Variants in EEF1E1 observed in about 807,000 individuals in gnomAD.
EEF1E1 encodes eukaryotic translation elongation factor 1 epsilon-1.
EEF1E1 carries 19 observed loss-of-function variants against 19.9 expected under a neutral mutation model. That is an observed-to-expected ratio of 0.95 (90% CI 0.66 to 1.40). EEF1E1 has a LOEUF of 1.40. EEF1E1 is among the 40% of genes most tolerant of loss of function. The probability of loss-of-function intolerance (pLI) is 0.00; values close to 1 mark genes in which losing one functional copy is unlikely to be tolerated. For synonymous variants in EEF1E1, 81 were observed against 80.0 expected, an observed-to-expected ratio of 1.01 and a Z score of -0.07; for missense variants, 198 against 202.2, an observed-to-expected ratio of 0.98 and a Z score of 0.13.
intron 2 of EEF1E1, among the ~76,000 whole-genome samples, chr6:8,092,676 T>C (rs1758044829): frequency 6.6e-6 from 1 of 152,134 alleles, no homozygotes; most frequent in Non-Finnish European, 1.5e-5. Context: ...ATGATTTCTC[T>C]CCAAATATCT....
At chr6:8,074,820 G>A (rs1038603840), downstream of EEF1E1, among the ~76,000 whole-genome samples, 2 of 152,182 alleles carry the variant, frequency 1.3e-5, no homozygotes, top group African/African-American at 2.4e-5. Context: ...CTGGTACTTG[G>A]TGGTACCAAG....
intron 3 of EEF1E1, among the ~76,000 whole-genome samples, chr6:8,088,091 G>C (rs1757912829): frequency 8.9e-6 from 1 of 112,654 alleles, no homozygotes; most frequent in Non-Finnish European, 1.9e-5. Flanking sequence ...CTGTAAAATG[G>C]GGCTATTATT....
chr6:8,079,816 T>G lies in EEF1E1; in HGVS notation c.*74A>C. ...ATGAATGACTGTATATTAATTTACA[T>G]TAGTCCTGTGGTCTAGAGTACATTT... On this transcript the variant is annotated 3_prime_UTR_variant, in exon 4 of 4. Coordinates refer to ENST00000379715, the MANE Select transcript of EEF1E1 (RefSeq NM_004280.5). 1 of 1,492,460 alleles carries G rather than the reference T, an allele frequency of 6.7e-7. No individual in the cohort carries two copies. The allele number at this position is 1,492,460 out of a possible 1,614,324, so 92.5% of individuals were successfully genotyped here. A position where few individuals can be genotyped will look rare whatever the true frequency, so the allele number is the denominator to read the frequency against.
chr6:8,098,598 A>G (rs1367237152), intron 1 of EEF1E1, among the ~76,000 whole-genome samples: 3 of 152,204 alleles, frequency 2.0e-5, no homozygotes, highest in African/African-American at 7.2e-5. Context: ...TTCACTATTC[A>G]TAGCTCCTTG....
At chr6:8,096,256 T>C (rs578117219) in intron 2 of EEF1E1, among the ~76,000 whole-genome samples, 95 of 152,328 alleles carry the variant, frequency 6.2e-4, no homozygotes, top group Non-Finnish European at 1.0e-3. Flanking sequence ...TAAAAGATGG[T>C]TGTGTTCACT....
At chr6:8,093,898 A>G (rs1015605101) in intron 2 of EEF1E1, among the ~76,000 whole-genome samples, 5 of 151,980 alleles carry the variant, frequency 3.3e-5, no homozygotes, top group African/African-American at 9.7e-5. Context: ...CCCAGGTTCA[A>G]GTGATTCTCC....
downstream of EEF1E1, among the ~76,000 whole-genome samples, chr6:8,076,358 C>G (rs937365612): frequency 2.0e-5 from 3 of 152,142 alleles, no homozygotes; most frequent in Non-Finnish European, 2.9e-5. Context: ...GAGTCTCGCT[C>G]CGTTGCCCAG....
intron 3 of EEF1E1, among the ~76,000 whole-genome samples, chr6:8,081,432 T>C (rs1468385543): frequency 6.6e-6 from 1 of 152,228 alleles, no homozygotes; most frequent in Non-Finnish European, 1.5e-5. Context: ...TGAAAATTCA[T>C]GGTTTCACAT....
downstream of EEF1E1, among the ~76,000 whole-genome samples, chr6:8,075,462 C>T (rs1757567254): frequency 6.6e-6 from 1 of 152,134 alleles, no homozygotes; most frequent in Non-Finnish European, 1.5e-5. Context: ...TTTCAGTTCC[C>T]CTGTCCATAG....
intron 3 of EEF1E1, among the ~76,000 whole-genome samples, chr6:8,087,371 C>T (rs974547782): frequency 6.6e-6 from 1 of 152,248 alleles, no homozygotes; most frequent in African/African-American, 2.4e-5. Flanking sequence ...GCATGCGCCA[C>T]CACGCCTGGC....
chr6:8,102,150 C>A, intron 1 of EEF1E1: 1 of 1,274,596 alleles, frequency 7.8e-7, no homozygotes, highest in Non-Finnish European at 1.0e-6. Flanking sequence ...TGTGAGGACC[C>A]TCCTCCAACT....
chr6:8,099,751 A>AACAC (rs1554099744), intron 1 of EEF1E1, among the ~76,000 whole-genome samples: 4,003 of 92,842 alleles, frequency 0.043, 140 homozygotes, highest in Non-Finnish European at 0.051. Context: ...CCGCCTCAAA[A>AACAC]ACACACACAC....
intron 2 of EEF1E1, among the ~76,000 whole-genome samples, chr6:8,095,848 C>T (rs1758158142): frequency 6.6e-6 from 1 of 152,168 alleles, no homozygotes; most frequent in Non-Finnish European, 1.5e-5. Flanking sequence ...GCCAAAATCA[C>T]ATTGCAATCC....
intron 2 of EEF1E1, chr6:8,095,318 T>A (rs1758138947): frequency 5.5e-6 from 2 of 365,232 alleles, no homozygotes; most frequent in South Asian, 3.9e-5. Context: ...CTGGCCAACA[T>A]GATGAAACCC....
chr6:8,101,589 G>GA (rs1056936938), intron 1 of EEF1E1, among the ~76,000 whole-genome samples: 27 of 151,714 alleles, frequency 1.8e-4, no homozygotes, highest in Non-Finnish European at 3.7e-4. Context: ...ATGAAGAAGA[G>GA]AAAAAATTAA....
chr6:8,091,246 T>C (rs1477234124), intron 2 of EEF1E1, among the ~76,000 whole-genome samples: 1 of 152,210 alleles, frequency 6.6e-6, no homozygotes, highest in Non-Finnish European at 1.5e-5. Context: ...TGTGAGATGA[T>C]ATCTCACTGT....
chr6:8,091,455 A>G (rs1397042045), intron 2 of EEF1E1, among the ~76,000 whole-genome samples: 1 of 152,126 alleles, frequency 6.6e-6, no homozygotes, highest in East Asian at 1.9e-4. Context: ...CAAACATATG[A>G]TTTACAAATA....
rs1179898012 is a variant in EEF1E1 at position 8,079,610 on chromosome 6, T to C, written c.*280A>G. 1.8e-6 allele frequency: 2 copies of C among 1,085,794 alleles called. No homozygotes were observed. The highest frequency in any genetic ancestry group is 2.2e-6 in the Non-Finnish European group (2 of 892,030). 67.3% of individuals were successfully genotyped at this position (1,085,794 alleles called of 1,614,324 possible). A position where few individuals can be genotyped will look rare whatever the true frequency, so the allele number is the denominator to read the frequency against. On this transcript the variant is annotated 3_prime_UTR_variant, in exon 4 of 4. Coordinates refer to ENST00000379715, the MANE Select transcript of EEF1E1 (RefSeq NM_004280.5). ...CCACCAATTTTAAGATTAAGCCCGA[T>C]TTGCAACTTTTATTGAAATAAATGT...
At chr6:8,077,137 G>A (rs1453657787), downstream of EEF1E1, among the ~76,000 whole-genome samples, 1 of 151,966 alleles carries the variant, frequency 6.6e-6, no homozygotes. Context: ...TAGAGATGGG[G>A]TTTCACCGTG....
Sources: allele counts gnomAD v4.1 joint callset (sites outside exome capture counted in the v4.1 genomes callset), GRCh38; gene constraint gnomAD v4.1.1; transcripts MANE v1.5; gene names NCBI Gene and HGNC (gene_info 2026-07-23, HGNC 2026-07-21).